HPF1: variants seen among roughly 807,000 people sequenced by gnomAD.
HPF1 encodes the protein UPF0609 protein C4orf27.
HPF1 carries 35 observed loss-of-function variants against 38.8 expected under a neutral mutation model. The observed-to-expected ratio is 0.90, with a 90% CI of 0.69 to 1.19. The LOEUF (loss-of-function observed/expected upper bound fraction) is 1.19, where lower values mean the gene tolerates loss of function less well. HPF1 is among the 50% of genes most tolerant of loss of function. The probability of loss-of-function intolerance (pLI) is 0.00; values close to 1 mark genes in which losing one functional copy is unlikely to be tolerated. For missense variants in HPF1, 367 were observed against 405.8 expected (o/e 0.90, Z 0.82); for synonymous variants, 115 against 139.2 (o/e 0.83, Z 1.22).
At chr4:169,754,430 A>G (rs539456680) in intron 1 of HPF1, among the ~76,000 whole-genome samples, 39 of 152,168 alleles carry the variant, frequency 2.6e-4, no homozygotes, top group Non-Finnish European at 3.2e-4. Flanking sequence ...CTGGGCCAAA[A>G]ATCCAATTAT....
chr4:169,734,467 A>G (rs1733868634), intron 6 of HPF1, among the ~76,000 whole-genome samples: 1 of 152,224 alleles, frequency 6.6e-6, no homozygotes, highest in South Asian at 2.1e-4. Context: ...AAGAATAAGC[A>G]ACTTATGCGA....
intron 2 of HPF1, among the ~76,000 whole-genome samples, chr4:169,752,616 T>C (rs985179609): frequency 1.3e-4 from 20 of 152,220 alleles, no homozygotes; most frequent in African/African-American, 4.6e-4. Context: ...GCATACTCTA[T>C]ACACTCTTCT....
At chr4:169,750,062 C>T (rs1387449417) in intron 3 of HPF1, among the ~76,000 whole-genome samples, 3 of 152,214 alleles carry the variant, frequency 2.0e-5, no homozygotes. Flanking sequence ...ATTCTGCATG[C>T]ATTCATTTAA....
intron 6 of HPF1, among the ~76,000 whole-genome samples, chr4:169,732,243 C>A (rs1016973848): frequency 2.0e-5 from 3 of 149,940 alleles, no homozygotes; most frequent in Non-Finnish European, 4.4e-5. Context: ...CAGGTTCAAG[C>A]AATTCTCCTG....
At chr4:169,753,594 A>G in intron 2 of HPF1, 82 bp downstream of exon 2, 1 of 1,178,118 alleles carries the variant, frequency 8.5e-7, no homozygotes, top group Non-Finnish European at 1.2e-6. Context: ...CTGGGATTAC[A>G]GAGTGTGAGC....
rs1734103862 is a variant in HPF1, at chr4:169,750,530, C to A, written c.398+6G>T. ...GTATTTTAGAGGCGAAGAAAAGATC[C>A]TTTACCTGAAATACCCCATGTGGTA... On this transcript the variant is annotated splice_donor_region_variant and intron_variant, in intron 3 of 7. Transcript: ENST00000393381. 6.4e-7 allele frequency: 1 copy of A among 1,571,450 alleles called. No homozygotes were observed. The highest frequency in any genetic ancestry group is 1.8e-5 in the Admixed American group (1 of 54,216).
chr4:169,746,696 A>C (rs1193054632), intron 4 of HPF1, among the ~76,000 whole-genome samples: 1 of 152,064 alleles, frequency 6.6e-6, no homozygotes, highest in Admixed American at 6.5e-5. Flanking sequence ...AAAGAAATTA[A>C]GTGTTCTGGT....
In HPF1 at chr4:169,757,747, G is replaced by T. The variant is rs1734208595; in HGVS notation, c.48+83C>A. On this transcript the variant is annotated intron_variant, in intron 1 of 7. Transcript: ENST00000393381. The stretch of plus-strand genomic sequence containing the variant: ...CACACAGCAAGCTTAATAGTCACTG[G>T]ATGAATGAAAAGCGCTGCCTCCTGG... 8 of 1,270,888 alleles carry T rather than the reference G, an allele frequency of 6.3e-6. No homozygotes were observed. The Admixed American group carries it at 1.4e-4, about 22-fold the overall frequency. 78.7% of individuals were successfully genotyped at this position (1,270,888 alleles called of 1,614,324 possible).
At chr4:169,737,801 A>G in intron 5 of HPF1, 54 bp from the exon 6 acceptor site, 1 of 1,118,972 alleles carries the variant, frequency 8.9e-7, no homozygotes, top group East Asian at 2.3e-5. Context: ...ATCAAAAAAA[A>G]AAATCCCCAA....
chr4:169,746,992 T>TA (rs759955706), intron 4 of HPF1, among the ~76,000 whole-genome samples: 7,231 of 142,628 alleles, frequency 0.051, 305 homozygotes, highest in African/African-American at 0.11. Context: ...TATCTTTTTT[T>TA]AAAAAAAAAA....
intron 1 of HPF1, 27 bp downstream of exon 1, chr4:169,757,803 T>C: frequency 6.4e-7 from 1 of 1,552,982 alleles, no homozygotes; most frequent in Non-Finnish European, 8.7e-7. Flanking sequence ...GCGCCCCGCG[T>C]AGCCCGCACA....
At chr4:169,747,004 A>ATTC (rs1560890262) in intron 4 of HPF1, among the ~76,000 whole-genome samples, 9,307 of 150,972 alleles carry the variant, frequency 0.062, 1,002 homozygotes, top group African/African-American at 0.21. Flanking sequence ...AAAAAAAAAA[A>ATTC]AAACATGACT....
chr4:169,739,330 G>A (rs1733936780), intron 5 of HPF1, among the ~76,000 whole-genome samples: 1 of 151,936 alleles, frequency 6.6e-6, no homozygotes, highest in Non-Finnish European at 1.5e-5. Context: ...CTATAAGGGA[G>A]TCTAACAAAG....
At chr4:169,731,611 T>C in intron 7 of HPF1, 93 bp downstream of exon 7, 1 of 933,990 alleles carries the variant, frequency 1.1e-6, no homozygotes, top group South Asian at 2.6e-5. Flanking sequence ...AATTTGGGGG[T>C]ATAAATGTGC....
chr4:169,729,672 G>A lies in HPF1; in HGVS notation c.947C>T (p.Ala316Val). Residue 316 changes from alanine to valine, a missense_variant, in exon 8 of 8, where the codon GCA (alanine) becomes GTA (valine). Ala to Val is a moderately conservative substitution (Grantham distance 64). Transcript: ENST00000393381. The part of the protein sequence containing the change: ...HKVAGQLLPL[A>V]YNLLKRNLFA... ...CAGATTCCTCTTCAACAGATTATAT[G>A]CAAGAGGTAAAAGCTGGCCAGCAAC... The A allele has an allele frequency of 6.4e-7, 1 of 1,564,994 alleles. No individual in the cohort carries two copies. The highest frequency in any genetic ancestry group is 8.6e-7 in the Non-Finnish European group (1 of 1,158,832).
At chr4:169,734,374 A>G (rs1198101936) in intron 6 of HPF1, among the ~76,000 whole-genome samples, 1 of 152,176 alleles carries the variant, frequency 6.6e-6, no homozygotes, top group Non-Finnish European at 1.5e-5. Context: ...CAGGGTGGGT[A>G]TGGAAGTGAA....
At chr4:169,735,130 A>G (rs1733876247) in intron 6 of HPF1, among the ~76,000 whole-genome samples, 1 of 146,500 alleles carries the variant, frequency 6.8e-6, no homozygotes, top group Admixed American at 6.7e-5. Context: ...TCCATCTCAA[A>G]AAAAAAAAAA....
chr4:169,737,887 G>A, intron 5 of HPF1, 140 bp from the exon 6 acceptor site: 1 of 631,222 alleles, frequency 1.6e-6, no homozygotes. Flanking sequence ...GGACTCCAGG[G>A]TAAAAATTTA....
In HPF1 at chr4:169,737,714, C is replaced by G; in HGVS notation, c.682G>C (p.Val228Leu). The change falls in exon 6 of 8, where the codon GTT becomes CTT. Residue 228 changes from valine (V) to leucine (L), a missense_variant. Val to Leu is a conservative substitution (Grantham distance 32). Coordinates refer to ENST00000393381, the MANE Select transcript of HPF1 (RefSeq NM_017867.3). ...VTKTFHGAGLVVPVDKNDVGY... is the reference protein window; with the variant it reads ...VTKTFHGAGLLVPVDKNDVGY... The stretch of plus-strand genomic sequence containing the variant: ...ACATCATTTTTATCTACTGGAACAA[C>G]CAAGCCTGCACCATGAAAGGTCTTT... The G allele has an allele frequency of 6.2e-7, 1 of 1,612,664 alleles. No homozygotes were observed. The highest frequency in any genetic ancestry group is 1.7e-5 in the Admixed American group (1 of 59,986).
Sources: gnomAD v4.1 joint callset for allele counts (sites outside exome capture counted in the v4.1 genomes callset) on GRCh38, gnomAD v4.1.1 for gene constraint, MANE v1.5 for transcripts, NCBI Gene and HGNC (gene_info 2026-07-23, HGNC 2026-07-21) for gene names.